Variants in ADAMTSL1 observed in about 807,000 individuals in gnomAD.
The protein encoded by ADAMTSL1 is ADAMTS-like protein 1.
A neutral mutation model predicts 201.8 loss-of-function variants in ADAMTSL1; 126 were observed. That is an observed-to-expected ratio of 0.62 (90% CI 0.54 to 0.72). The LOEUF is 0.72. Ranked by LOEUF, ADAMTSL1 falls within the 30% of genes least tolerant of loss-of-function variation. The pLI is 0.00. For missense variants in ADAMTSL1, 2,679 were observed against 2,277.8 expected (o/e 1.18, Z -3.59); for synonymous variants, 1,121 against 903.4 (o/e 1.24, Z -4.32).
chr9:18,007,177 C>A (rs962351263), intron 1 of ADAMTSL1, among the ~76,000 whole-genome samples: 1 of 152,016 alleles, frequency 6.6e-6, no homozygotes, highest in Non-Finnish European at 1.5e-5. Flanking sequence ...CCAGGTTCCT[C>A]AAACTCATCA....
intron 3 of ADAMTSL1, among the ~76,000 whole-genome samples, chr9:18,557,978 G>T (rs1226016913): frequency 6.6e-6 from 1 of 151,940 alleles, no homozygotes; most frequent in Non-Finnish European, 1.5e-5. Flanking sequence ...TAGGAACAGT[G>T]TCTTATTTGA....
At chr9:18,487,682 A>T (rs538767038) in intron 1 of ADAMTSL1, among the ~76,000 whole-genome samples, 1 of 152,324 alleles carries the variant, frequency 6.6e-6, no homozygotes, top group East Asian at 1.9e-4. Flanking sequence ...AAAACCTAAA[A>T]GGTGTTATGA....
chr9:18,092,314 G>A (rs1824058456), intron 1 of ADAMTSL1, among the ~76,000 whole-genome samples: 1 of 152,166 alleles, frequency 6.6e-6, no homozygotes, highest in Admixed American at 6.5e-5. Flanking sequence ...ATCTCTCTGG[G>A]AAGGCGAGGA....
intron 1 of ADAMTSL1, among the ~76,000 whole-genome samples, chr9:18,128,146 T>A (rs766577857): frequency 7.2e-5 from 11 of 152,214 alleles, no homozygotes; most frequent in Non-Finnish European, 1.3e-4. Context: ...GGCTTCTGGG[T>A]ATGCAAACTC....
At chr9:18,669,735 G>C (rs1430404392) in intron 9 of ADAMTSL1, among the ~76,000 whole-genome samples, 1 of 152,108 alleles carries the variant, frequency 6.6e-6, no homozygotes, top group Non-Finnish European at 1.5e-5. Flanking sequence ...TCTACTCTTA[G>C]CATACACTAG....
intron 23 of ADAMTSL1, among the ~76,000 whole-genome samples, chr9:18,845,038 G>A (rs1826006700): frequency 6.6e-6 from 1 of 152,158 alleles, no homozygotes; most frequent in East Asian, 1.9e-4. Context: ...ACGGTGCACT[G>A]CACCCACTGT....
intron 1 of ADAMTSL1, among the ~76,000 whole-genome samples, chr9:18,481,360 C>T (rs1821720319): frequency 6.6e-6 from 1 of 152,120 alleles, no homozygotes; most frequent in Admixed American, 6.5e-5. Context: ...GCCTGGCCAA[C>T]ATGGTGAAAC....
chr9:18,184,560 T>A (rs937398914), intron 2 of ADAMTSL1, among the ~76,000 whole-genome samples: 1 of 152,222 alleles, frequency 6.6e-6, no homozygotes, highest in Non-Finnish European at 1.5e-5. Flanking sequence ...CCTGTTGTCA[T>A]TGGAATTTCA....
intron 2 of ADAMTSL1, among the ~76,000 whole-genome samples, chr9:18,230,961 A>G (rs1285277932): frequency 1.3e-5 from 2 of 152,152 alleles, no homozygotes; most frequent in Non-Finnish European, 2.9e-5. Context: ...TCATGCCCCA[A>G]GAGGACACCA....
At chr9:18,451,866 T>C (rs911479150) in intron 2 of ADAMTSL1, among the ~76,000 whole-genome samples, 3 of 152,346 alleles carry the variant, frequency 2.0e-5, no homozygotes, top group African/African-American at 7.2e-5. Context: ...TGGTGGAAGA[T>C]GCAAAGGCAA....
chr9:18,012,781 G>A (rs150586090), intron 1 of ADAMTSL1, among the ~76,000 whole-genome samples: 26 of 152,098 alleles, frequency 1.7e-4, no homozygotes, highest in African/African-American at 6.3e-4. Context: ...CACAATGCGG[G>A]AGCTTTGTCT....
intron 2 of ADAMTSL1, among the ~76,000 whole-genome samples, chr9:18,199,479 A>C (rs997577610): frequency 2.0e-5 from 3 of 152,092 alleles, no homozygotes; most frequent in South Asian, 2.1e-4. Context: ...TTTCACAAGT[A>C]ATATAGGGCA....
intron 11 of ADAMTSL1, chr9:18,681,557 T>G: frequency 4.0e-6 from 1 of 247,352 alleles, no homozygotes; most frequent in Non-Finnish European, 7.8e-6. Flanking sequence ...AGTGGGTACT[T>G]AAAGATTGCT....
chr9:18,352,347 G>A (rs1243263759), intron 2 of ADAMTSL1, among the ~76,000 whole-genome samples: 1 of 152,180 alleles, frequency 6.6e-6, no homozygotes, highest in Non-Finnish European at 1.5e-5. Flanking sequence ...GAAATGATTT[G>A]TAAGTAGTCT....
intron 2 of ADAMTSL1, among the ~76,000 whole-genome samples, chr9:18,298,587 T>G (rs1435536892): frequency 6.6e-6 from 1 of 151,906 alleles, no homozygotes. Flanking sequence ...TGAGCAACAC[T>G]GAGCAAGTGT....
chr9:18,725,008 A>G (rs1031722449), intron 15 of ADAMTSL1, among the ~76,000 whole-genome samples: 1 of 151,650 alleles, frequency 6.6e-6, no homozygotes, highest in Non-Finnish European at 1.5e-5. Context: ...CCGGGTTTAC[A>G]CCATTCTCCT....
chr9:18,317,714 C>T (rs1372100715), intron 2 of ADAMTSL1, among the ~76,000 whole-genome samples: 1 of 152,220 alleles, frequency 6.6e-6, no homozygotes, highest in Non-Finnish European at 1.5e-5. Flanking sequence ...TCTTCCCTTA[C>T]ACCCTTACAC....
chr9:18,269,656 A>G lies in ADAMTSL1; in HGVS notation c.207+105675A>G, dbSNP rs1832278103. ...AATGTCTCCTTTCATTTTATAACTG[A>G]TCTACTTGAAAATGTGGTGAACCAT... is the stretch of plus-strand genomic sequence containing the variant. On this transcript the variant is annotated intron_variant, in intron 2 of 29. Transcript: ENST00000680146. Among the ~76,000 whole-genome samples the G allele has an allele frequency of 2.6e-5, 4 of 152,194 alleles. 1 individual carries two copies. Among genetic ancestry groups the G allele is most frequent in the Admixed American group, 2.6e-4 (4 of 15,276 alleles).
intron 5 of ADAMTSL1, among the ~76,000 whole-genome samples, chr9:18,634,784 A>T (rs1228603316): frequency 1.4e-5 from 2 of 140,308 alleles, no homozygotes. Flanking sequence ...GTTGCAGTTG[A>T]GCCAAGATCA....
Sources: allele counts gnomAD v4.1 joint callset (sites outside exome capture counted in the v4.1 genomes callset), GRCh38; gene constraint gnomAD v4.1.1; transcripts MANE v1.5; gene names NCBI Gene and HGNC (gene_info 2026-07-23, HGNC 2026-07-21).